RERE: variants seen among roughly 807,000 people sequenced by gnomAD.
The protein encoded by RERE is arginine-glutamic acid dipeptide repeats.
In RERE, 40 loss-of-function variants were observed where a neutral mutation model predicts 146.1. That is an observed-to-expected ratio of 0.27 (90% confidence interval 0.21 to 0.36). The LOEUF (loss-of-function observed/expected upper bound fraction) is 0.36, where lower values mean the gene tolerates loss of function less well. Among genes scored for constraint, RERE ranks in the 10% least tolerant of loss-of-function variants. The pLI is 1.00. For synonymous variants in RERE, 1,003 were observed against 866.0 expected (o/e 1.16, Z -2.78); for missense variants, 1,933 against 2,138.7 (o/e 0.90, Z 1.90).
At chr1:8,627,399 C>G (rs762091004) in intron 2 of RERE, among the ~76,000 whole-genome samples, 1 of 151,984 alleles carries the variant, frequency 6.6e-6, no homozygotes, top group African/African-American at 2.4e-5. Context: ...GAGGTCAGTT[C>G]AAGACCAGCC....
At chr1:8,555,733 C>A (rs930308449) in intron 6 of RERE, among the ~76,000 whole-genome samples, 1 of 152,112 alleles carries the variant, frequency 6.6e-6, no homozygotes, top group Non-Finnish European at 1.5e-5. Flanking sequence ...ACAAAATGAG[C>A]CATTATGGGC....
intron 1 of RERE, among the ~76,000 whole-genome samples, chr1:8,714,685 G>A (rs1639728808): frequency 6.6e-6 from 1 of 152,080 alleles, no homozygotes; most frequent in African/African-American, 2.4e-5. Flanking sequence ...ATGAGGCAAT[G>A]GGTTCCAGGA....
chr1:8,582,586 G>A (rs1352706096), intron 4 of RERE, among the ~76,000 whole-genome samples: 2 of 151,954 alleles, frequency 1.3e-5, no homozygotes, highest in African/African-American at 2.4e-5. Flanking sequence ...GCTGGGTGTG[G>A]TGGTGGGCAC....
chr1:8,787,365 CTT>C (rs1452537243), intron 1 of RERE, among the ~76,000 whole-genome samples: 1 of 152,204 alleles, frequency 6.6e-6, no homozygotes, highest in Non-Finnish European at 1.5e-5. Context: ...GTGTCTCTCT[CTT>C]TGTCTGAGTA....
chr1:8,496,150 T>TAAAAAAAAAAAAAAAAAAAAAAAAAAAA (rs36115213), intron 9 of RERE, among the ~76,000 whole-genome samples: 3 of 118,436 alleles, frequency 2.5e-5, no homozygotes, highest in African/African-American at 1.0e-4. Flanking sequence ...GACCCTGTCT[T>TAAAAAAAAAAAAAAAAAAAAAAAAAAAA]AAAAAAAAAA....
chr1:8,362,600 G>T, intron 16 of RERE, 83 bp downstream of exon 16: 1 of 1,539,166 alleles, frequency 6.5e-7, no homozygotes, highest in South Asian at 1.1e-5. Context: ...TCGTGTCTGA[G>T]GGAGCTGATC....
At chr1:8,655,908 A>G in intron 2 of RERE, 65 bp downstream of exon 2, 3 of 1,555,910 alleles carry the variant, frequency 1.9e-6, no homozygotes, top group Non-Finnish European at 2.6e-6. Flanking sequence ...TATTTATTTC[A>G]CCATAATGCC....
intron 10 of RERE, among the ~76,000 whole-genome samples, chr1:8,480,190 A>AGT: frequency 7.5e-6 from 1 of 134,126 alleles, no homozygotes; most frequent in Non-Finnish European, 1.5e-5. Flanking sequence ...CCCAGGCTGC[A>AGT]GTGCACTGAT....
intron 1 of RERE, among the ~76,000 whole-genome samples, chr1:8,687,131 G>A (rs960856795): frequency 9.2e-5 from 14 of 152,190 alleles, no homozygotes; most frequent in Non-Finnish European, 1.8e-4. Context: ...TTTAAGATTG[G>A]AGAAAAGCGG....
rs1381711691 is a variant in RERE, at chr1:8,700,550, G to A, written c.-144-44109C>T. Reference sequence around the variant, plus strand: ...GCCACACATGCCCCTGAGCAGACACGTCTAAAAGCTTCTATGTGCCACCCA... The same window carrying A: ...GCCACACATGCCCCTGAGCAGACACATCTAAAAGCTTCTATGTGCCACCCA... On this transcript the variant is annotated intron_variant, in intron 1 of 22. Transcript: ENST00000400908. Among the ~76,000 whole-genome samples, 6 of 152,120 alleles carry A rather than the reference G, an allele frequency of 3.9e-5. 1 individual carries two copies. The highest frequency in any genetic ancestry group is 1.3e-4 in the Admixed American group (2 of 15,260).
chr1:8,641,184 A>T (rs1466393826), intron 2 of RERE, among the ~76,000 whole-genome samples: 1 of 152,222 alleles, frequency 6.6e-6, no homozygotes, highest in African/African-American at 2.4e-5. Context: ...AAAGAGCCAA[A>T]TTCCTGCATT....
At chr1:8,490,888 A>G (rs1644971473) in intron 10 of RERE, among the ~76,000 whole-genome samples, 1 of 149,986 alleles carries the variant, frequency 6.7e-6, no homozygotes, top group Non-Finnish European at 1.5e-5. Context: ...TCACAGATTT[A>G]TAAGTAGTTT....
rs80155373 is a variant in RERE, at chr1:8,369,654, C to T, written c.1285-3680G>A. Among the ~76,000 whole-genome samples, 1,266 of 151,220 alleles carry T rather than the reference C, an allele frequency of 8.4e-3. 14 individuals are homozygous for T. Among genetic ancestry groups the T allele is most frequent in the African/African-American group, 0.029 (1,209 of 41,398 alleles). On this transcript the variant is annotated intron_variant, in intron 12 of 22. Coordinates refer to ENST00000400908, the MANE Select transcript of RERE (RefSeq NM_001042681.2). ...TGACAGGGTGACCAGAACTGTCATC[C>T]ACTGCTGGTGGAAATACAGAATGCT...
chr1:8,776,517 T>A (rs1165613357), intron 1 of RERE, among the ~76,000 whole-genome samples: 3 of 152,046 alleles, frequency 2.0e-5, no homozygotes, highest in Non-Finnish European at 2.9e-5. Context: ...AGGCTGGTCT[T>A]GAACTCCTGG....
intron 1 of RERE, among the ~76,000 whole-genome samples, chr1:8,750,177 TTA>T (rs1212159098): frequency 1.5e-5 from 2 of 136,888 alleles, no homozygotes; most frequent in African/African-American, 5.4e-5. Flanking sequence ...AAAGAATGGA[TTA>T]TAGAGTGATG....
chr1:8,465,643 A>C (rs1370133299), intron 11 of RERE: 1 of 494,162 alleles, frequency 2.0e-6, no homozygotes, highest in Non-Finnish European at 3.9e-6. Flanking sequence ...ACCAAAAACA[A>C]GTTCAAATTA....
At chr1:8,681,225 C>G (rs768831762) in intron 1 of RERE, among the ~76,000 whole-genome samples, 4 of 152,182 alleles carry the variant, frequency 2.6e-5, no homozygotes, top group Non-Finnish European at 4.4e-5. Flanking sequence ...CTGGTGCAGG[C>G]ATCTCCAAAC....
At chr1:8,580,570 T>C (rs1484005941) in intron 4 of RERE, among the ~76,000 whole-genome samples, 2 of 152,256 alleles carry the variant, frequency 1.3e-5, no homozygotes, top group East Asian at 1.9e-4. Flanking sequence ...ATACTTTACA[T>C]GTGAAATGCA....
intron 4 of RERE, among the ~76,000 whole-genome samples, chr1:8,576,525 G>A (rs1036127126): frequency 4.6e-5 from 7 of 152,156 alleles, no homozygotes; most frequent in Admixed American, 3.9e-4. Flanking sequence ...TAATGAGTTT[G>A]TAGAGATTCC....
Sources: allele counts gnomAD v4.1 joint callset (sites outside exome capture counted in the v4.1 genomes callset), GRCh38; gene constraint gnomAD v4.1.1; transcripts MANE v1.5; gene names NCBI Gene and HGNC (gene_info 2026-07-23, HGNC 2026-07-21).